ZYG11B: variants seen among roughly 807,000 people sequenced by gnomAD.
ZYG11B encodes zyg-11 family member B, cell cycle regulator.
A neutral mutation model predicts 82.4 loss-of-function variants in ZYG11B; 36 were observed. The ratio of observed to expected loss-of-function variants is 0.44; its 90% CI spans 0.33 to 0.58. ZYG11B has a LOEUF of 0.58. ZYG11B is among the 20% of genes least tolerant of loss of function. The probability of loss-of-function intolerance (pLI) is 0.02; values close to 1 mark genes in which losing one functional copy is unlikely to be tolerated. For missense variants in ZYG11B, 552 were observed against 895.6 expected, an observed-to-expected ratio of 0.62 and a Z score of 4.90; for synonymous variants, 303 against 312.8, an observed-to-expected ratio of 0.97 and a Z score of 0.33.
At chr1:52,789,258 A>G (rs866232403) in intron 5 of ZYG11B, among the ~76,000 whole-genome samples, 16 of 152,242 alleles carry the variant, frequency 1.1e-4, no homozygotes, top group Middle Eastern at 6.8e-3. Flanking sequence ...CCATTAACTG[A>G]CTTTTGCCTT....
At chr1:52,769,215 T>C (rs1644725488) in intron 2 of ZYG11B, among the ~76,000 whole-genome samples, 1 of 152,168 alleles carries the variant, frequency 6.6e-6, no homozygotes, top group South Asian at 2.1e-4. Flanking sequence ...GACCCCATCA[T>C]GAAATTTACT....
intron 1 of ZYG11B, among the ~76,000 whole-genome samples, chr1:52,752,369 C>G (rs911308725): frequency 6.6e-6 from 1 of 152,192 alleles, no homozygotes; most frequent in Non-Finnish European, 1.5e-5. Context: ...CACACCCTAC[C>G]CCACCCCTAG....
intron 1 of ZYG11B, among the ~76,000 whole-genome samples, chr1:52,745,707 G>GC (rs375314635): frequency 1.5e-3 from 227 of 151,220 alleles, no homozygotes; most frequent in African/African-American, 5.2e-3. Context: ...GAGATTACAG[G>GC]CATCCACCAC....
intron 1 of ZYG11B, among the ~76,000 whole-genome samples, chr1:52,749,118 G>T (rs1272832838): frequency 6.6e-6 from 1 of 150,852 alleles, no homozygotes; most frequent in Non-Finnish European, 1.5e-5. Context: ...CAGGAGAATC[G>T]CTTGAACCCG....
Position 52,788,051 on chromosome 1 carries a change from A to T in ZYG11B, c.1270-1952A>T, listed in dbSNP as rs532026303. Among the ~76,000 whole-genome samples the T allele has an allele frequency of 2.6e-5, 4 of 152,262 alleles. No homozygotes were observed. The South Asian group carries it at 8.3e-4, about 32-fold the overall frequency. ...AAAAACAGTGGACCTATGCCTACAT[A>T]TATTTTGTAAATATATATGTGAATG... On this transcript the variant is annotated intron_variant, in intron 5 of 13. Coordinates refer to ENST00000294353, the MANE Select transcript of ZYG11B (RefSeq NM_024646.3).
In ZYG11B at chr1:52,803,141, T is replaced by TATATATATATACACAC. The variant is rs1558140212; in HGVS notation, c.1695+1013_1695+1014insCACACATATATATATA. On this transcript the variant is annotated intron_variant, in intron 10 of 13. Transcript: ENST00000294353. ...ATACACACATATATATATACACACATATATATATATATACACATATATATA... is the reference window on the plus strand; with the variant it reads ...ATACACACATATATATATACACACATATATATATATACACACATATATATATATACACATATATATA... Among the ~76,000 whole-genome samples, 466 of 60,452 alleles carry TATATATATATACACAC rather than the reference T, an allele frequency of 7.7e-3. 22 individuals carry two copies. The highest frequency in any genetic ancestry group is 9.6e-3 in the Non-Finnish European group (374 of 38,838). 39.7% of individuals were successfully genotyped at this position (60,452 alleles called of 152,430 possible).
chr1:52,788,918 C>T lies in ZYG11B; in HGVS notation c.1270-1085C>T, dbSNP rs532223686. Among the ~76,000 whole-genome samples the T allele has an allele frequency of 7.9e-5, 12 of 152,176 alleles. No homozygotes were observed. In the South Asian group the frequency reaches 1.2e-3, roughly 16 times the overall value. On this transcript the variant is annotated intron_variant, in intron 5 of 13. Coordinates refer to ENST00000294353, the MANE Select transcript of ZYG11B (RefSeq NM_024646.3). Reference sequence around the variant, plus strand: ...CTTCTATGGATCCTGTACAAATTATCGTGTTTATTTGGGAGGAGAAAAATG... The same window carrying T: ...CTTCTATGGATCCTGTACAAATTATTGTGTTTATTTGGGAGGAGAAAAATG...
At position 52,812,162 on chromosome 1, in the gene ZYG11B, T is replaced by C. The variant is rs1204107207; in HGVS notation, c.1696-1374T>C. Among the ~76,000 whole-genome samples, 3 of 152,294 alleles carry C rather than the reference T, an allele frequency of 2.0e-5. No individual in the cohort carries two copies. In the East Asian group the frequency reaches 5.8e-4, roughly 29 times the overall value. On this transcript the variant is annotated intron_variant, in intron 10 of 13. Coordinates refer to ENST00000294353, the MANE Select transcript of ZYG11B (RefSeq NM_024646.3). ...TCTGCTAATTCTATTATCTCTGTTATTTTTTAGTCCATTTCTTTGGATTGA... is the reference window on the plus strand; with the variant it reads ...TCTGCTAATTCTATTATCTCTGTTACTTTTTAGTCCATTTCTTTGGATTGA...
At chr1:52,757,800 G>A (rs927104817) in intron 2 of ZYG11B, among the ~76,000 whole-genome samples, 3 of 152,116 alleles carry the variant, frequency 2.0e-5, no homozygotes, top group African/African-American at 7.2e-5. Flanking sequence ...AGCCAATTTA[G>A]TACTTTGGTT....
rs1408682969 is a variant in ZYG11B at position 52,826,745 on chromosome 1, T to C, written c.*5116T>C. 1 of 152,224 alleles carries C rather than the reference T, an allele frequency of 6.6e-6. No homozygotes were observed. Among genetic ancestry groups the C allele is most frequent in the African/African-American group, 2.4e-5 (1 of 41,470 alleles). The allele number at this position is 152,224 out of a possible 1,614,324, so 9.4% of individuals were successfully genotyped here. A position where few individuals can be genotyped will look rare whatever the true frequency, so the allele number is the denominator to read the frequency against. ...ACTTTACAGCTAGACAGAATGGCCA[T>C]TAAGAATATTTCCAAAATCCAAGTT... On this transcript the variant is annotated 3_prime_UTR_variant, in exon 14 of 14. Coordinates refer to ENST00000294353, the MANE Select transcript of ZYG11B (RefSeq NM_024646.3).
chr1:52,761,307 C>T (rs1644629394), intron 2 of ZYG11B, among the ~76,000 whole-genome samples: 1 of 152,172 alleles, frequency 6.6e-6, no homozygotes, highest in African/African-American at 2.4e-5. Flanking sequence ...AGCTTAATTA[C>T]GTATCCTTTA....
chr1:52,785,002 T>C lies in ZYG11B; in HGVS notation c.1218T>C (p.Asp406=), dbSNP rs1644901568. 1.2e-6 allele frequency: 2 copies of C among 1,613,978 alleles called. No individual in the cohort carries two copies. Among genetic ancestry groups the C allele is most frequent in the Non-Finnish European group, 1.7e-6 (2 of 1,180,000 alleles). Residue 406 remains aspartate (D), a synonymous_variant, in exon 5 of 14, where the codon GAT becomes GAC. Coordinates refer to ENST00000294353, the MANE Select transcript of ZYG11B (RefSeq NM_024646.3). ...AAGMPVRLLA[D]VTHLLLKAME... Reference sequence around the variant, plus strand: ...GGATGCCTGTCCGACTCCTGGCTGATGTGACCCATTTGCTGCTCAAAGCCA... The same window carrying C: ...GGATGCCTGTCCGACTCCTGGCTGACGTGACCCATTTGCTGCTCAAAGCCA...
chr1:52,751,984 C>T (rs750677102), intron 1 of ZYG11B, among the ~76,000 whole-genome samples: 17 of 150,804 alleles, frequency 1.1e-4, no homozygotes, highest in South Asian at 8.4e-4. Context: ...TTTCCCTATA[C>T]GGAGCAATTC....
chr1:52,753,823 C>T (rs112023200), intron 1 of ZYG11B, among the ~76,000 whole-genome samples: 2,923 of 151,380 alleles, frequency 0.019, 75 homozygotes, highest in African/African-American at 0.066. Context: ...CTTGAACTCC[C>T]GACCGCAGGT....
intron 5 of ZYG11B, among the ~76,000 whole-genome samples, chr1:52,789,389 CTG>C (rs1644937415): frequency 6.6e-6 from 1 of 152,094 alleles, no homozygotes; most frequent in Non-Finnish European, 1.5e-5. Context: ...AGTATATACA[CTG>C]TGACTTTTTT....
chr1:52,820,596 CAA>C (rs1257651121), intron 13 of ZYG11B, among the ~76,000 whole-genome samples: 1 of 150,394 alleles, frequency 6.6e-6, no homozygotes, highest in African/African-American at 2.4e-5. Flanking sequence ...TGCAGTGAGC[CAA>C]AATTGTGCCA....
At chr1:52,759,213 T>C in intron 2 of ZYG11B, among the ~76,000 whole-genome samples, 1 of 152,208 alleles carries the variant, frequency 6.6e-6, no homozygotes, top group East Asian at 1.9e-4. Flanking sequence ...ATTACAGGCA[T>C]GAGCCACTGC....
chr1:52,751,347 A>G (rs1644522428), intron 1 of ZYG11B, among the ~76,000 whole-genome samples: 2 of 144,188 alleles, frequency 1.4e-5, no homozygotes, highest in African/African-American at 5.3e-5. Flanking sequence ...AAAAAAAAAA[A>G]TAGCCAGCGC....
chr1:52,803,073 TATATATATATACAC>T (rs1478632356), intron 10 of ZYG11B, among the ~76,000 whole-genome samples: 1 of 75,078 alleles, frequency 1.3e-5, no homozygotes, highest in African/African-American at 5.5e-5. Flanking sequence ...TGCCACTATA[TATATATATATACAC>T]ATATATATAT....
Sources: allele counts gnomAD v4.1 joint callset (sites outside exome capture counted in the v4.1 genomes callset), GRCh38; gene constraint gnomAD v4.1.1; transcripts MANE v1.5; gene names NCBI Gene and HGNC (gene_info 2026-07-23, HGNC 2026-07-21).